The following PIK3AP1 variants were observed in gnomAD, a reference collection of about 807,000 sequenced individuals.
PIK3AP1 encodes the protein phosphoinositide-3-kinase adaptor protein 1.
PIK3AP1 carries 21 observed loss-of-function variants against 88.1 expected under a neutral mutation model. The observed-to-expected ratio is 0.24, with a 90% CI of 0.17 to 0.34. The LOEUF (loss-of-function observed/expected upper bound fraction) is 0.34, where lower values mean the gene tolerates loss of function less well. Among genes scored for constraint, PIK3AP1 ranks in the 10% least tolerant of loss-of-function variants. PIK3AP1 has a pLI of 1.00. For missense variants in PIK3AP1, 828 were observed against 1,035.7 expected, an observed-to-expected ratio of 0.80 and a Z score of 2.75; for synonymous variants, 398 against 400.0, an observed-to-expected ratio of 1.00 and a Z score of 0.06.
At chr10:96,649,486 AG>A (rs1843508275) in intron 6 of PIK3AP1, among the ~76,000 whole-genome samples, 1 of 152,258 alleles carries the variant, frequency 6.6e-6, no homozygotes, top group Admixed American at 6.5e-5. Flanking sequence ...ACAGTACAAT[AG>A]GAATCATGTT....
intron 3 of PIK3AP1, among the ~76,000 whole-genome samples, chr10:96,656,164 G>A (rs758738889): frequency 9.2e-5 from 14 of 152,166 alleles, no homozygotes; most frequent in African/African-American, 2.4e-4. Context: ...AATGCCACAC[G>A]TTTTTAATTA....
At chr10:96,623,620 G>GA (rs1228677482) in intron 10 of PIK3AP1, 83 bp from the exon 11 acceptor site, 1 of 1,208,160 alleles carries the variant, frequency 8.3e-7, no homozygotes, top group East Asian at 2.4e-5. Flanking sequence ...CCATACCTAG[G>GA]ACCACCGTAT....
intron 16 of PIK3AP1, among the ~76,000 whole-genome samples, chr10:96,597,320 TTCCTTCC>T (rs1415529613): frequency 1.5e-5 from 2 of 133,256 alleles, no homozygotes; most frequent in Non-Finnish European, 3.1e-5. Flanking sequence ...CCTTCCTTCC[TTCCTTCC>T]TTCTTTCCTT....
At chr10:96,602,660 G>A (rs780882860) in intron 15 of PIK3AP1, among the ~76,000 whole-genome samples, 57 of 152,070 alleles carry the variant, frequency 3.7e-4, no homozygotes, top group East Asian at 5.8e-4. Flanking sequence ...CTCTGTGGCC[G>A]GTCAGCATCA....
intron 1 of PIK3AP1, among the ~76,000 whole-genome samples, 190 bp from the exon 2 acceptor site, chr10:96,710,173 C>T (rs1223098716): frequency 6.6e-6 from 1 of 152,092 alleles, no homozygotes; most frequent in Non-Finnish European, 1.5e-5. Context: ...TCCAATCATA[C>T]CAGACTCCTT....
chr10:96,709,958 G>C lies in PIK3AP1; in HGVS notation c.39C>G (p.Leu13=). Residue 13 remains leucine (L), a synonymous_variant, in exon 2 of 17, where the codon CTC becomes CTG. Coordinates refer to ENST00000339364, the MANE Select transcript of PIK3AP1 (RefSeq NM_152309.3). The part of the protein sequence containing the change: ...ASGVPRGCDI[L]IVYSPDAEEW... Reference sequence around the variant, plus strand: ...CCTCGGCATCCGGGCTGTAGACGATGAGGATGTCGCATCCTCTGGGCACCC... The same window carrying C: ...CCTCGGCATCCGGGCTGTAGACGATCAGGATGTCGCATCCTCTGGGCACCC... The C allele has an allele frequency of 6.3e-7, 1 of 1,596,338 alleles. No homozygotes were observed. Among genetic ancestry groups the C allele is most frequent in the South Asian group, 1.1e-5 (1 of 90,256 alleles).
chr10:96,645,179 T>C (rs1208226098), intron 8 of PIK3AP1, among the ~76,000 whole-genome samples: 1 of 152,190 alleles, frequency 6.6e-6, no homozygotes, highest in African/African-American at 2.4e-5. Context: ...CCCTGGAGAC[T>C]GAGGGCTGAG....
chr10:96,697,241 A>T (rs1366772987), intron 2 of PIK3AP1, among the ~76,000 whole-genome samples: 1 of 152,216 alleles, frequency 6.6e-6, no homozygotes, highest in Non-Finnish European at 1.5e-5. Flanking sequence ...CGGTGCAGTC[A>T]TTACAGCAAT....
chr10:96,686,360 C>T (rs1844067859), intron 2 of PIK3AP1, among the ~76,000 whole-genome samples: 1 of 152,166 alleles, frequency 6.6e-6, no homozygotes, highest in Non-Finnish European at 1.5e-5. Context: ...TATGTGGGCC[C>T]TGCTCCTACT....
At chr10:96,618,995 T>A (rs1213078049) in intron 12 of PIK3AP1, among the ~76,000 whole-genome samples, 1 of 152,110 alleles carries the variant, frequency 6.6e-6, no homozygotes, top group African/African-American at 2.4e-5. Flanking sequence ...GCCCCTGTCT[T>A]AAGGAGCACT....
chr10:96,706,750 C>T lies in PIK3AP1; in HGVS notation c.430+2817G>A, dbSNP rs572608043. ...GCTCTTTTTTCTACACTGCCAGACT[C>T]TGAGTATCAGGTTTGTTAAGAAAGC... On this transcript the variant is annotated intron_variant, in intron 2 of 16. Transcript: ENST00000339364. Among the ~76,000 whole-genome samples, 3 of 152,252 alleles carry T rather than the reference C, an allele frequency of 2.0e-5. No individual in the cohort carries two copies. The South Asian group carries it at 6.2e-4, about 32-fold the overall frequency.
intron 12 of PIK3AP1, 42 bp from the exon 13 acceptor site, chr10:96,616,753 T>A (rs780432963): frequency 1.0e-5 from 16 of 1,553,134 alleles, no homozygotes; most frequent in Non-Finnish European, 1.4e-5. Flanking sequence ...TACAACAGGA[T>A]GATACCCTCT....
chr10:96,632,746 C>T (rs2134214196), intron 8 of PIK3AP1: 5 of 1,038,974 alleles, frequency 4.8e-6, no homozygotes, highest in Non-Finnish European at 6.8e-6. Context: ...GAGTGTCTCA[C>T]AGGATGATTA....
At chr10:96,645,397 G>T (rs1195686786) in intron 8 of PIK3AP1, 76 bp downstream of exon 8, 1 of 1,488,254 alleles carries the variant, frequency 6.7e-7, no homozygotes, top group African/African-American at 1.4e-5. Flanking sequence ...GGACTGCCCC[G>T]CGCCATCTTC....
At chr10:96,609,956 T>C in intron 13 of PIK3AP1, 89 bp from the exon 14 acceptor site, 3 of 1,470,452 alleles carry the variant, frequency 2.0e-6, no homozygotes, top group Non-Finnish European at 2.8e-6. Context: ...CCTGCCTCTC[T>C]CACAGGAGCC....
chr10:96,597,727 G>A (rs1320127697), intron 16 of PIK3AP1, among the ~76,000 whole-genome samples: 1 of 152,126 alleles, frequency 6.6e-6, no homozygotes, highest in Non-Finnish European at 1.5e-5. Flanking sequence ...GCAGTTTCTG[G>A]CTTGGAGTAG....
intron 14 of PIK3AP1, among the ~76,000 whole-genome samples, chr10:96,607,581 T>C (rs1317887633): frequency 6.6e-6 from 1 of 152,194 alleles, no homozygotes; most frequent in African/African-American, 2.4e-5. Flanking sequence ...TGTGACCTGC[T>C]TTGGCCAATA....
intron 2 of PIK3AP1, among the ~76,000 whole-genome samples, chr10:96,663,872 A>G (rs1186474131): frequency 2.6e-5 from 4 of 152,158 alleles, no homozygotes; most frequent in Non-Finnish European, 5.9e-5. Context: ...TGAAAATACA[A>G]TGCTGTCTTG....
chr10:96,720,076 G>C lies in PIK3AP1; in HGVS notation c.13+306C>G, dbSNP rs1317933555. Among the ~76,000 whole-genome samples the C allele has an allele frequency of 6.6e-6, 1 of 152,198 alleles. No individual in the cohort carries two copies. The highest frequency in any genetic ancestry group is 2.4e-5 in the African/African-American group (1 of 41,444). On this transcript the variant is annotated intron_variant, in intron 1 of 16. Transcript: ENST00000339364. The surrounding 1 kb of genome is among the most constrained non-coding windows in gnomAD (Gnocchi z 4.6). The stretch of plus-strand genomic sequence containing the variant: ...CTCGCCTCTCGCTTCAGAGTCGGAG[G>C]GACAGGGGAAGCGACGCTCAGACAC...
Sources: gnomAD v4.1 joint callset for allele counts (sites outside exome capture counted in the v4.1 genomes callset) on GRCh38, gnomAD v4.1.1 for gene constraint, Gnocchi (gnomAD v3.1) non-coding constraint, MANE v1.5 for transcripts, NCBI Gene and HGNC (gene_info 2026-07-23, HGNC 2026-07-21) for gene names.